Variants in TTPAL observed in about 807,000 individuals in gnomAD.
TTPAL encodes the protein alpha-tocopherol transfer protein-like.
TTPAL carries 21 observed loss-of-function variants against 28.7 expected under a neutral mutation model. The observed-to-expected ratio is 0.73, with a 90% CI of 0.52 to 1.06. The LOEUF (loss-of-function observed/expected upper bound fraction) is 1.06, where lower values mean the gene tolerates loss of function less well. Ranked by LOEUF, TTPAL falls within the 50% of genes least tolerant of loss-of-function variation. TTPAL has a pLI of 0.00. For missense variants in TTPAL, 345 were observed against 425.5 expected (o/e 0.81, Z 1.67); for synonymous variants, 169 against 171.9 (o/e 0.98, Z 0.13).
rs771503493 is a variant in TTPAL, at chr20:44,480,296, C to G, written c.297C>G (p.Leu99=). Residue 99 remains leucine, a synonymous_variant, in exon 2 of 5, where the codon CTC becomes CTG. Transcript: ENST00000262605. This position sits in a 1 kb window ranked among gnomAD's most constrained non-coding sequence, Gnocchi z 4.1. ...KFDYDRALQL[L]VNYHSCRRSW... is the part of the protein sequence containing the mutation. ...ATTACGACCGGGCCCTGCAGCTCCTCGTCAACTACCACAGCTGTAGAAGAA... is the reference window on the plus strand; with the variant it reads ...ATTACGACCGGGCCCTGCAGCTCCTGGTCAACTACCACAGCTGTAGAAGAA... 1.2e-6 allele frequency: 2 copies of G among 1,614,178 alleles called. No homozygotes were observed. Among genetic ancestry groups the G allele is most frequent in the South Asian group, 1.1e-5 (1 of 91,088 alleles).
chr20:44,492,038 G>A lies in TTPAL; in HGVS notation c.*2497G>A, dbSNP rs191956087. The A allele has an allele frequency of 6.6e-6, 1 of 152,450 alleles. No individual in the cohort carries two copies. The highest frequency in any genetic ancestry group is 1.9e-4 in the East Asian group (1 of 5,322). The allele number at this position is 152,450 out of a possible 1,614,324, so 9.4% of individuals were successfully genotyped here. A position where few individuals can be genotyped will look rare whatever the true frequency, so the allele number is the denominator to read the frequency against. The stretch of plus-strand genomic sequence containing the variant: ...TTTCACTCAGCTTCTAGAAGGAGTT[G>A]GAGCCTAAGTTTATCTGCCTCCGGG... On this transcript the variant is annotated 3_prime_UTR_variant, in exon 5 of 5. Coordinates refer to ENST00000262605, the MANE Select transcript of TTPAL (RefSeq NM_001039199.3).
intron 2 of TTPAL, among the ~76,000 whole-genome samples, chr20:44,482,492 G>T (rs1023897884): frequency 3.4e-5 from 5 of 146,990 alleles, no homozygotes; most frequent in Non-Finnish European, 1.5e-5. Context: ...AGAATCGCTT[G>T]AACCCGGGAG....
At position 44,489,356 on chromosome 20, in the gene TTPAL, G is replaced by C. The variant is rs556079203; in HGVS notation, c.844G>C (p.Asp282His). ...GTATGGGGGCACGGCTGGGGAGCTG[G>C]ACACTGCCACCTGGAACGCGGTACT... ...KEYGGTAGEL[D>H]TATWNAVLLA... The change falls in exon 5 of 5, where the codon GAC (aspartate) becomes CAC (histidine). Residue 282 changes from aspartate (D) to histidine (H), a missense_variant. Coordinates refer to ENST00000262605, the MANE Select transcript of TTPAL (RefSeq NM_001039199.3). The C allele has an allele frequency of 6.2e-7, 1 of 1,614,150 alleles. No individual in the cohort carries two copies. The highest frequency in any genetic ancestry group is 1.7e-5 in the Admixed American group (1 of 60,028).
At chr20:44,478,991 G>A (rs1207670896) in intron 1 of TTPAL, among the ~76,000 whole-genome samples, 4 of 151,946 alleles carry the variant, frequency 2.6e-5, no homozygotes, top group African/African-American at 4.8e-5. Flanking sequence ...GGGTTTCACC[G>A]CGTTAGCGAG....
intron 3 of TTPAL, 99 bp downstream of exon 3, chr20:44,484,629 TCCCAC>T: frequency 1.2e-6 from 1 of 834,414 alleles, no homozygotes; most frequent in Non-Finnish European, 1.8e-6. Flanking sequence ...AAACTGCACA[TCCCAC>T]ACCTGCAATC....
rs1433769198 is a variant in TTPAL at position 44,489,712 on chromosome 20, C to T, written c.*171C>T. On this transcript the variant is annotated 3_prime_UTR_variant, in exon 5 of 5. Coordinates refer to ENST00000262605, the MANE Select transcript of TTPAL (RefSeq NM_001039199.3). The stretch of plus-strand genomic sequence containing the variant: ...CCATTTTGGGGTAAGCCTTTGGTTA[C>T]TTTAATTACTCCATGGAAGACATGG... The T allele has an allele frequency of 2.4e-5, 16 of 655,970 alleles. No individual in the cohort carries two copies. The highest frequency in any genetic ancestry group is 3.8e-5 in the Non-Finnish European group (15 of 393,392). The allele number at this position is 655,970 out of a possible 1,614,324, so 40.6% of individuals were successfully genotyped here. A position where few individuals can be genotyped will look rare whatever the true frequency, so the allele number is the denominator to read the frequency against.
intron 3 of TTPAL, 36 bp from the exon 4 acceptor site, chr20:44,486,560 C>T (rs2064153518): frequency 7.9e-7 from 1 of 1,269,594 alleles, no homozygotes; most frequent in South Asian, 1.3e-5. Flanking sequence ...GAAAGATTCT[C>T]CAGATGTTCT....
In TTPAL at chr20:44,489,583, T is replaced by G. The variant is rs765273779; in HGVS notation, c.*42T>G. On this transcript the variant is annotated 3_prime_UTR_variant, in exon 5 of 5. Coordinates refer to ENST00000262605, the MANE Select transcript of TTPAL (RefSeq NM_001039199.3). ...ACCATCTTTAATTCTTTTCCTTCTT[T>G]TCTTTGGAGAGGCACAAGGAGAATT... 1.9e-6 allele frequency: 3 copies of G among 1,573,486 alleles called. No homozygotes were observed. The highest frequency in any genetic ancestry group is 2.6e-6 in the Non-Finnish European group (3 of 1,158,436).
intron 2 of TTPAL, among the ~76,000 whole-genome samples, chr20:44,482,183 C>A (rs2064111424): frequency 6.6e-6 from 1 of 152,136 alleles, no homozygotes; most frequent in East Asian, 1.9e-4. Flanking sequence ...TACATAGAGG[C>A]AGGGTTAATT....
In TTPAL at chr20:44,490,489, A is replaced by G. The variant is rs542983845; in HGVS notation, c.*948A>G. On this transcript the variant is annotated 3_prime_UTR_variant, in exon 5 of 5. Coordinates refer to ENST00000262605, the MANE Select transcript of TTPAL (RefSeq NM_001039199.3). ...TGAATGTTAGATTTTCTGCCTAGAAAGATAACTATCTAGATACAAGTGGTT... is the reference window on the plus strand; with the variant it reads ...TGAATGTTAGATTTTCTGCCTAGAAGGATAACTATCTAGATACAAGTGGTT... The G allele has an allele frequency of 1.3e-5, 2 of 152,496 alleles. No homozygotes were observed. Among genetic ancestry groups the G allele is most frequent in the South Asian group, 2.1e-4 (1 of 4,830 alleles). The allele number at this position is 152,496 out of a possible 1,614,324, so 9.4% of individuals were successfully genotyped here. A position where few individuals can be genotyped will look rare whatever the true frequency, so the allele number is the denominator to read the frequency against.
In TTPAL at chr20:44,494,433, A is replaced by AT. The variant is rs1181907038; in HGVS notation, c.*4894dup. 6.5e-6 allele frequency: 1 copy of AT among 152,730 alleles called. No homozygotes were observed. The highest frequency in any genetic ancestry group is 2.4e-5 in the African/African-American group (1 of 41,436). 9.5% of individuals were successfully genotyped at this position (152,730 alleles called of 1,614,324 possible). A position where few individuals can be genotyped will look rare whatever the true frequency, so the allele number is the denominator to read the frequency against. On this transcript the variant is annotated 3_prime_UTR_variant, in exon 5 of 5. Transcript: ENST00000262605. ...GTCACATTCCTTGCTTCAAACTGAA[A>AT]TTCAGTTTGGCTTTGAGTATAGGGA...
chr20:44,488,317 C>A (rs1226366458), intron 4 of TTPAL, among the ~76,000 whole-genome samples: 1 of 152,210 alleles, frequency 6.6e-6, no homozygotes, highest in Non-Finnish European at 1.5e-5. Flanking sequence ...GGAACTTTCA[C>A]CAAAGCAGCC....
intron 4 of TTPAL, among the ~76,000 whole-genome samples, chr20:44,487,110 G>A (rs1290949883): frequency 6.6e-6 from 1 of 151,984 alleles, no homozygotes; most frequent in African/African-American, 2.4e-5. Flanking sequence ...GTGAAACCCC[G>A]ACTCTACTAA....
At chr20:44,482,039 G>C (rs886646743) in intron 2 of TTPAL, among the ~76,000 whole-genome samples, 21 of 152,150 alleles carry the variant, frequency 1.4e-4, no homozygotes, top group Admixed American at 2.6e-4. Flanking sequence ...GTCTGGAGCA[G>C]ATCTGGACCC....
rs1279166037 is a variant in TTPAL at position 44,484,542 on chromosome 20, A to T, written c.639+12A>T. On this transcript the variant is annotated intron_variant, in intron 3 of 4. Transcript: ENST00000262605. The stretch of plus-strand genomic sequence containing the variant: ...TTGGCATCCTCCAGGTAAGACCCGT[A>T]TGTGTCCTGCCTGTTTCGTGGTGGC... The T allele has an allele frequency of 2.6e-6, 4 of 1,543,178 alleles. No individual in the cohort carries two copies. Among genetic ancestry groups the T allele is most frequent in the Non-Finnish European group, 2.7e-6 (3 of 1,127,804 alleles).
At chr20:44,487,705 G>C (rs1245998502) in intron 4 of TTPAL, among the ~76,000 whole-genome samples, 1 of 152,170 alleles carries the variant, frequency 6.6e-6, no homozygotes, top group Admixed American at 6.5e-5. Flanking sequence ...AAATGGGATG[G>C]GTGGTATTTT....
At position 44,490,377 on chromosome 20, in the gene TTPAL, C is replaced by CT. The variant is rs2064193721; in HGVS notation, c.*837dup. Reference sequence around the variant, plus strand: ...ACAACTATGGACAAGATATGGGCCTCTACTTTCTCCTCTATAAAATGAGGC... The same window carrying CT: ...ACAACTATGGACAAGATATGGGCCTCTTACTTTCTCCTCTATAAAATGAGGC... On this transcript the variant is annotated 3_prime_UTR_variant, in exon 5 of 5. Transcript: ENST00000262605. 1 of 152,316 alleles carries CT rather than the reference C, an allele frequency of 6.6e-6. No individual in the cohort carries two copies. Among genetic ancestry groups the CT allele is most frequent in the Non-Finnish European group, 1.5e-5 (1 of 68,018 alleles). The allele number at this position is 152,316 out of a possible 1,614,324, so 9.4% of individuals were successfully genotyped here. A position where few individuals can be genotyped will look rare whatever the true frequency, so the allele number is the denominator to read the frequency against.
At position 44,490,765 on chromosome 20, in the gene TTPAL, ATT is replaced by A. The variant is rs1355681627; in HGVS notation, c.*1225_*1226del. The A allele has an allele frequency of 6.6e-6, 1 of 152,216 alleles. No homozygotes were observed. The highest frequency in any genetic ancestry group is 1.5e-5 in the Non-Finnish European group (1 of 68,022). 9.4% of individuals were successfully genotyped at this position (152,216 alleles called of 1,614,324 possible). Reference sequence around the variant, plus strand: ...ATTGTAAACCTGGCTACAGTAGTTAATTACTTGAGATTCTTTAATTTTGGTCT... The same window carrying A: ...ATTGTAAACCTGGCTACAGTAGTTAAACTTGAGATTCTTTAATTTTGGTCT... On this transcript the variant is annotated 3_prime_UTR_variant, in exon 5 of 5. Coordinates refer to ENST00000262605, the MANE Select transcript of TTPAL (RefSeq NM_001039199.3).
chr20:44,481,000 C>T lies in TTPAL; in HGVS notation c.445+556C>T, dbSNP rs2064099837. On this transcript the variant is annotated intron_variant, in intron 2 of 4. Coordinates refer to ENST00000262605, the MANE Select transcript of TTPAL (RefSeq NM_001039199.3). The surrounding 1 kb of genome is among the most constrained non-coding windows in gnomAD (Gnocchi z 4.1). Reference sequence around the variant, plus strand: ...CATGACTGCCAGGGCCCTCTCTGAGCCCTCTTTGTGAATAGGTTGAGGTAC... The same window carrying T: ...CATGACTGCCAGGGCCCTCTCTGAGTCCTCTTTGTGAATAGGTTGAGGTAC... 6.6e-6 allele frequency among the ~76,000 whole-genome samples: 1 copy of T among 152,172 alleles called. No homozygotes were observed. Among genetic ancestry groups the T allele is most frequent in the Non-Finnish European group, 1.5e-5 (1 of 68,028 alleles).
Sources: allele counts gnomAD v4.1 joint callset (sites outside exome capture counted in the v4.1 genomes callset), GRCh38; gene constraint gnomAD v4.1.1; non-coding constraint Gnocchi (gnomAD v3.1); transcripts MANE v1.5; gene names NCBI Gene and HGNC (gene_info 2026-07-23, HGNC 2026-07-21).